Variants in ARK2C observed in about 807,000 individuals in gnomAD.
ARK2C encodes the protein E3 ubiquitin-protein ligase ARK2C.
the ARK2C span, among the ~76,000 whole-genome samples, chr18:46,385,222 C>A: frequency 1.3e-5 from 2 of 152,188 alleles, no homozygotes; most frequent in African/African-American, 4.8e-5. Flanking sequence ...TCTTGTCCTG[C>A]CTCACCAATT....
the ARK2C span, among the ~76,000 whole-genome samples, chr18:46,410,201 A>T: frequency 1.3e-5 from 2 of 152,080 alleles, no homozygotes; most frequent in Admixed American, 1.3e-4. Context: ...TAAGGCCCCA[A>T]ATGCTTAGCC....
the ARK2C span, among the ~76,000 whole-genome samples, chr18:46,444,267 G>A: frequency 3.3e-5 from 5 of 151,870 alleles, no homozygotes; most frequent in South Asian, 2.1e-4. Context: ...AAAGTTTATC[G>A]AACTTTTTGG....
chr18:46,371,112 A>T, the ARK2C span, among the ~76,000 whole-genome samples: 1 of 151,928 alleles, frequency 6.6e-6, no homozygotes, highest in Non-Finnish European at 1.5e-5. Context: ...GTGCAGAGGA[A>T]CTCCCATTTA....
chr18:46,376,914 C>T, the ARK2C span, among the ~76,000 whole-genome samples: 10 of 152,008 alleles, frequency 6.6e-5, no homozygotes, highest in East Asian at 1.9e-4. Context: ...GCGATCTGCC[C>T]GCCTCGGCAT....
At chr18:46,343,649 G>T in the ARK2C span, among the ~76,000 whole-genome samples, 2 of 152,246 alleles carry the variant, frequency 1.3e-5, no homozygotes, top group Non-Finnish European at 2.9e-5. Context: ...CCAAGGGAGA[G>T]AATTGACTGG....
the ARK2C span, among the ~76,000 whole-genome samples, chr18:46,436,785 T>C: frequency 6.6e-6 from 1 of 152,240 alleles, no homozygotes; most frequent in African/African-American, 2.4e-5. Context: ...CTTTTCCAAT[T>C]AGCAGATTCA....
the ARK2C span, among the ~76,000 whole-genome samples, chr18:46,408,883 C>T: frequency 6.6e-6 from 1 of 152,228 alleles, no homozygotes; most frequent in Admixed American, 6.5e-5. Context: ...TGAGTCATCA[C>T]ACAGGACTTT....
At chr18:46,392,996 C>A in the ARK2C span, among the ~76,000 whole-genome samples, 1 of 152,280 alleles carries the variant, frequency 6.6e-6, no homozygotes, top group East Asian at 1.9e-4. Flanking sequence ...CATAAGGCAG[C>A]CTCCTCACCT....
chr18:46,382,949 C>T, the ARK2C span, among the ~76,000 whole-genome samples: 21 of 152,210 alleles, frequency 1.4e-4, no homozygotes, highest in African/African-American at 4.1e-4. Context: ...ATGAAGACAA[C>T]GTCATACTCT....
the ARK2C span, among the ~76,000 whole-genome samples, chr18:46,451,695 C>G: frequency 6.6e-6 from 1 of 152,078 alleles, no homozygotes; most frequent in Admixed American, 6.6e-5. Flanking sequence ...GTCCTAGTTA[C>G]TAGGGAGGCT....
At chr18:46,377,714 A>G in the ARK2C span, among the ~76,000 whole-genome samples, 1 of 152,210 alleles carries the variant, frequency 6.6e-6, no homozygotes, top group African/African-American at 2.4e-5. Context: ...ATGAGAGATC[A>G]ATAAAGGCTT....
At chr18:46,431,983 A>G in the ARK2C span, among the ~76,000 whole-genome samples, 17 of 152,226 alleles carry the variant, frequency 1.1e-4, no homozygotes, top group Admixed American at 5.2e-4. Context: ...ATTTGTTGAC[A>G]TCTGTTGCCT....
At chr18:46,346,828 A>AC in the ARK2C span, among the ~76,000 whole-genome samples, 1 of 152,238 alleles carries the variant, frequency 6.6e-6, no homozygotes, top group Non-Finnish European at 1.5e-5. Flanking sequence ...GTCTTAGGGG[A>AC]GTGCAAAGCA....
chr18:46,362,390 C>G, the ARK2C span, among the ~76,000 whole-genome samples: 1 of 152,186 alleles, frequency 6.6e-6, no homozygotes. Flanking sequence ...TAATAAGATG[C>G]CTGCTTTACC....
the ARK2C span, among the ~76,000 whole-genome samples, chr18:46,345,330 G>A: frequency 3.0e-4 from 45 of 152,318 alleles, no homozygotes; most frequent in African/African-American, 9.6e-4. Flanking sequence ...GGGCAGGTGC[G>A]GTGGGAGTGT....
the ARK2C span, among the ~76,000 whole-genome samples, chr18:46,362,257 G>GT: frequency 6.6e-6 from 1 of 152,224 alleles, no homozygotes; most frequent in Non-Finnish European, 1.5e-5. Context: ...GGGAGGCAGG[G>GT]TTTTCCTTCA....
chr18:46,429,111 A>T, the ARK2C span, among the ~76,000 whole-genome samples: 1 of 152,298 alleles, frequency 6.6e-6, no homozygotes, highest in South Asian at 2.1e-4. Context: ...CCCCGGACTC[A>T]CCAAAGCCAG....
the ARK2C span, among the ~76,000 whole-genome samples, chr18:46,357,032 C>T: frequency 6.6e-6 from 1 of 152,126 alleles, no homozygotes; most frequent in Non-Finnish European, 1.5e-5. Context: ...CTTGCAAAAT[C>T]CACATTCCCA....
the ARK2C span, among the ~76,000 whole-genome samples, chr18:46,357,243 C>G: frequency 4.9e-4 from 75 of 152,304 alleles, 1 homozygote; most frequent in East Asian, 0.014. Flanking sequence ...CAGGTCTCTT[C>G]CCCAGTGGTA....
Sources: allele counts gnomAD v4.1 joint callset (sites outside exome capture counted in the v4.1 genomes callset), GRCh38; gene constraint gnomAD v4.1.1; transcripts MANE v1.5; gene names NCBI Gene and HGNC (gene_info 2026-07-23, HGNC 2026-07-21).